CCDC150: variants seen among roughly 807,000 people sequenced by gnomAD.
The protein encoded by CCDC150 is coiled-coil domain-containing protein 150.
A neutral mutation model predicts 156.5 loss-of-function variants in CCDC150; 151 were observed. That is an observed-to-expected ratio of 0.97 (90% CI 0.85 to 1.10). CCDC150 has a LOEUF of 1.10. CCDC150 is among the 50% of genes least tolerant of loss of function. CCDC150 has a pLI of 0.00. For missense variants in CCDC150, 1,312 were observed against 1,268.1 expected (o/e 1.03, Z -0.53); for synonymous variants, 452 against 429.4 (o/e 1.05, Z -0.65).
chr2:196,716,372 T>C (rs1219693056), intron 17 of CCDC150, among the ~76,000 whole-genome samples: 1 of 152,178 alleles, frequency 6.6e-6, no homozygotes, highest in African/African-American at 2.4e-5. Context: ...GTCCACCAGG[T>C]GAATGGATAA....
chr2:196,699,460 A>C (rs1018374228), intron 14 of CCDC150, among the ~76,000 whole-genome samples: 1 of 152,112 alleles, frequency 6.6e-6, no homozygotes, highest in African/African-American at 2.4e-5. Context: ...TTGAACGTCA[A>C]AAATGAAAAT....
chr2:196,693,497 T>G lies in CCDC150; in HGVS notation c.1510-1549T>G, dbSNP rs749244513. ...ATATAGAAATACAATAGATTTGCCC[T>G]TATATCCTTCAGCCTTGACACACTC... On this transcript the variant is annotated intron_variant, in intron 13 of 27. Coordinates refer to ENST00000389175, the MANE Select transcript of CCDC150 (RefSeq NM_001080539.2). Among the ~76,000 whole-genome samples the G allele has an allele frequency of 4.6e-5, 7 of 152,252 alleles. No individual in the cohort carries two copies. The South Asian group carries it at 1.2e-3, about 27-fold the overall frequency.
chr2:196,717,890 C>CAAA (rs3085043), intron 17 of CCDC150, among the ~76,000 whole-genome samples: 2 of 148,592 alleles, frequency 1.3e-5, no homozygotes, highest in African/African-American at 5.0e-5. Flanking sequence ...AATTCAGTCT[C>CAAA]AAAAAAAAAA....
chr2:196,724,117 G>T (rs1450080718), intron 21 of CCDC150, among the ~76,000 whole-genome samples: 2 of 152,186 alleles, frequency 1.3e-5, no homozygotes. Flanking sequence ...TGTTAAGGAG[G>T]CTGATTGGTA....
intron 2 of CCDC150, among the ~76,000 whole-genome samples, chr2:196,655,682 T>G (rs904012586): frequency 6.6e-6 from 1 of 152,148 alleles, no homozygotes; most frequent in Non-Finnish European, 1.5e-5. Context: ...CACTCCTGTT[T>G]AAAACCACCT....
At chr2:196,690,301 G>A (rs1379834750) in intron 13 of CCDC150, among the ~76,000 whole-genome samples, 2 of 151,932 alleles carry the variant, frequency 1.3e-5, no homozygotes, top group Admixed American at 6.6e-5. Flanking sequence ...GTTAATGGGT[G>A]CAGCACACCA....
At chr2:196,691,713 C>G (rs1179249120) in intron 13 of CCDC150, among the ~76,000 whole-genome samples, 1 of 151,968 alleles carries the variant, frequency 6.6e-6, no homozygotes, top group Non-Finnish European at 1.5e-5. Flanking sequence ...GAGGCCGAGG[C>G]AGGTGGATCA....
In CCDC150 at chr2:196,729,236, T is replaced by C; in HGVS notation, c.2600T>C (p.Val867Ala). ...GAAGCTAACTTCAGATCAGTGGAAG[T>C]GTCCCGGACCAACCGAGAGCTGCGA... ...LDEANFRSVE[V>A]SRTNRELRQK... The change falls in exon 23 of 28, where the codon GTG becomes GCG. Residue 867 changes from valine (V) to alanine (A), a missense_variant. Val to Ala is a moderately conservative substitution (Grantham distance 64). Transcript: ENST00000389175. 1 of 1,613,492 alleles carries C rather than the reference T, an allele frequency of 6.2e-7. No homozygotes were observed. Among genetic ancestry groups the C allele is most frequent in the Non-Finnish European group, 8.5e-7 (1 of 1,179,728 alleles).
chr2:196,666,143 C>T (rs1203453014), intron 6 of CCDC150, among the ~76,000 whole-genome samples: 1 of 152,206 alleles, frequency 6.6e-6, no homozygotes, highest in Admixed American at 6.5e-5. Context: ...ACTATATTTA[C>T]ACTGCTGTTT....
At chr2:196,685,056 T>C (rs2125632580) in intron 13 of CCDC150, among the ~76,000 whole-genome samples, 1 of 152,258 alleles carries the variant, frequency 6.6e-6, no homozygotes, top group African/African-American at 2.4e-5. Flanking sequence ...TAATTACTGT[T>C]AAGGTAGGAT....
At chr2:196,686,912 T>C (rs1386243212) in intron 13 of CCDC150, among the ~76,000 whole-genome samples, 2 of 152,272 alleles carry the variant, frequency 1.3e-5, no homozygotes, top group East Asian at 3.9e-4. Flanking sequence ...GGCCCCCAGC[T>C]CCATCCATGA....
chr2:196,717,919 A>G (rs1230039112), intron 17 of CCDC150, among the ~76,000 whole-genome samples: 1 of 152,138 alleles, frequency 6.6e-6, no homozygotes, highest in Non-Finnish European at 1.5e-5. Context: ...TGAAGGGTAC[A>G]TCGGACTCTG....
intron 5 of CCDC150, among the ~76,000 whole-genome samples, chr2:196,659,232 T>C (rs181783535): frequency 6.6e-6 from 1 of 152,312 alleles, no homozygotes; most frequent in Admixed American, 6.5e-5. Flanking sequence ...TAATTTTACC[T>C]TAAACTTTCA....
intron 2 of CCDC150, among the ~76,000 whole-genome samples, chr2:196,647,343 T>C (rs1692607086): frequency 2.6e-5 from 4 of 152,154 alleles, no homozygotes. Flanking sequence ...ATATAAAATA[T>C]GCATATAAAC....
At chr2:196,713,022 CT>C in intron 17 of CCDC150, 1 of 475,860 alleles carries the variant, frequency 2.1e-6, no homozygotes, top group South Asian at 3.7e-5. Context: ...ATCTATACCC[CT>C]GGTAACCAAG....
rs571167333 is a variant in CCDC150 at position 196,732,560 on chromosome 2, T to A, written c.3304T>A (p.Ter1102ArgextTer3). The part of the protein sequence containing the change: ...KKYHSEVQRK[*>R] ...GTATCATTCTGAGGTACAGAGGAAG[T>A]GATGTCCTTGACAAGGGAGCTTCTT... The change falls in exon 28 of 28, where the codon TGA becomes AGA. Residue 1102 changes from the stop codon to arginine (R), a stop_lost. Coordinates refer to ENST00000389175, the MANE Select transcript of CCDC150 (RefSeq NM_001080539.2). 35 of 1,594,702 alleles carry A rather than the reference T, an allele frequency of 2.2e-5. No individual in the cohort carries two copies. Among genetic ancestry groups the A allele is most frequent in the Non-Finnish European group, 2.9e-5 (34 of 1,162,712 alleles).
intron 19 of CCDC150, among the ~76,000 whole-genome samples, 185 bp from the exon 20 acceptor site, chr2:196,720,390 A>G (rs1697809729): frequency 6.6e-6 from 1 of 152,238 alleles, no homozygotes. Flanking sequence ...TGTAGATGCA[A>G]AAATCTCAAC....
At position 196,694,034 on chromosome 2, in the gene CCDC150, G is replaced by A. The variant is rs1434081805; in HGVS notation, c.1510-1012G>A. Among the ~76,000 whole-genome samples the A allele has an allele frequency of 2.7e-5, 4 of 146,826 alleles. No individual in the cohort carries two copies. The Admixed American group carries it at 2.7e-4, about 10-fold the overall frequency. ...TTTTATATATTGCTGGGTTCATTTT[G>A]CTAATATTTTGTGGAAGATTTTTTT... On this transcript the variant is annotated intron_variant, in intron 13 of 27. Coordinates refer to ENST00000389175, the MANE Select transcript of CCDC150 (RefSeq NM_001080539.2).
At chr2:196,644,467 A>C in intron 1 of CCDC150, among the ~76,000 whole-genome samples, 1 of 152,020 alleles carries the variant, frequency 6.6e-6, no homozygotes, top group Non-Finnish European at 1.5e-5. Flanking sequence ...ATCCAGCCCG[A>C]CGGGCTTACT....
Sources: allele counts gnomAD v4.1 joint callset (sites outside exome capture counted in the v4.1 genomes callset), GRCh38; gene constraint gnomAD v4.1.1; transcripts MANE v1.5; gene names NCBI Gene and HGNC (gene_info 2026-07-23, HGNC 2026-07-21).